Variants in TNPO3 observed in about 807,000 individuals in gnomAD.
TNPO3 encodes transportin-3.
A neutral mutation model predicts 122.8 loss-of-function variants in TNPO3; 65 were observed. That is an observed-to-expected ratio of 0.53 (90% confidence interval 0.43 to 0.65). The LOEUF (loss-of-function observed/expected upper bound fraction) is 0.65. Ranked by LOEUF, TNPO3 falls within the 30% of genes least tolerant of loss-of-function variation. TNPO3 has a pLI of 0.00. For missense variants in TNPO3, 850 were observed against 1,136.7 expected, an observed-to-expected ratio of 0.75 and a Z score of 3.63; for synonymous variants, 372 against 411.2, an observed-to-expected ratio of 0.90 and a Z score of 1.15.
chr7:129,025,313 A>G (rs1419681584), intron 1 of TNPO3, among the ~76,000 whole-genome samples: 1 of 130,866 alleles, frequency 7.6e-6, no homozygotes, highest in Non-Finnish European at 1.6e-5. Context: ...TCGTACCACC[A>G]CACTCCAGCC....
intron 16 of TNPO3, 61 bp from the exon 17 acceptor site, chr7:128,975,996 A>G: frequency 8.7e-7 from 1 of 1,151,368 alleles, no homozygotes; most frequent in Non-Finnish European, 1.3e-6. Context: ...CAACTTACGA[A>G]GCTGTCTCCA....
intron 21 of TNPO3, among the ~76,000 whole-genome samples, chr7:128,964,008 T>C (rs146744399): frequency 2.6e-4 from 40 of 152,270 alleles, no homozygotes; most frequent in African/African-American, 8.2e-4. Flanking sequence ...GTGTATAATT[T>C]ATAATAAAAC....
rs76010643 is a variant in TNPO3, at chr7:129,039,070, T to C, written c.120+15581A>G. 5.5e-3 allele frequency among the ~76,000 whole-genome samples: 832 copies of C among 152,278 alleles called. 13 individuals carry two copies. Among genetic ancestry groups the C allele is most frequent in the African/African-American group, 0.019 (797 of 41,544 alleles). ...CATACGAAAAGATGCTCAACATGAT[T>C]AGCCATCAGGAAATGCAAATCAAAA... On this transcript the variant is annotated intron_variant, in intron 1 of 22. Transcript: ENST00000265388.
At chr7:129,024,862 G>C (rs894853974) in intron 1 of TNPO3, among the ~76,000 whole-genome samples, 4 of 151,974 alleles carry the variant, frequency 2.6e-5, no homozygotes, top group Non-Finnish European at 4.4e-5. Context: ...AATCTGCCAC[G>C]TGTGGTGGCA....
At chr7:128,983,030 C>G (rs980388948) in intron 13 of TNPO3, among the ~76,000 whole-genome samples, 2 of 152,192 alleles carry the variant, frequency 1.3e-5, no homozygotes, top group African/African-American at 4.8e-5. Flanking sequence ...AAGTCTCCCA[C>G]CAACTGAATA....
chr7:128,979,080 T>A lies in TNPO3; in HGVS notation c.1964A>T (p.Asp655Val). ...GCAACAACGCTCTACAATCCGATTA[T>A]CAGCTCGGTGCTTATTTAGAGTCTC... The part of the protein sequence containing the change: ...LSETLNKHRA[D>V]NRIVERCCRC... Residue 655 changes from aspartate (D) to valine (V), a missense_variant, in exon 16 of 23, where the codon GAT (aspartate) becomes GTT (valine). By Grantham distance (152) the Asp-to-Val change is radical. Transcript: ENST00000265388. 6.2e-7 allele frequency: 1 copy of A among 1,614,220 alleles called. No homozygotes were observed. The highest frequency in any genetic ancestry group is 2.2e-5 in the East Asian group (1 of 44,890).
At chr7:128,990,806 G>A (rs1403278060) in intron 10 of TNPO3, among the ~76,000 whole-genome samples, 1 of 152,146 alleles carries the variant, frequency 6.6e-6, no homozygotes, top group African/African-American at 2.4e-5. Context: ...TGAGTAGAGT[G>A]GAGGATACCC....
intron 21 of TNPO3, among the ~76,000 whole-genome samples, chr7:128,959,427 G>A (rs555360557): frequency 2.0e-5 from 3 of 152,314 alleles, no homozygotes; most frequent in African/African-American, 7.2e-5. Context: ...GAACCTCTGG[G>A]CTCAAGCTAT....
intron 19 of TNPO3, 85 bp downstream of exon 19, chr7:128,972,341 T>C: frequency 6.9e-7 from 1 of 1,440,216 alleles, no homozygotes; most frequent in African/African-American, 1.4e-5. Context: ...AAGGAAATAC[T>C]GGGATGCTGG....
At chr7:128,962,813 GT>G (rs5887399) in intron 21 of TNPO3, among the ~76,000 whole-genome samples, 37 of 150,630 alleles carry the variant, frequency 2.5e-4, no homozygotes, top group South Asian at 8.4e-4. Flanking sequence ...AAGATAACAG[GT>G]TTTTTTTTTC....
intron 1 of TNPO3, chr7:129,029,610 A>G (rs1013658883): frequency 6.6e-6 from 1 of 152,242 alleles, no homozygotes; most frequent in Non-Finnish European, 1.5e-5. Context: ...AAGTATTACC[A>G]GTGTAATCAA....
chr7:129,020,754 A>C (rs969757470), intron 1 of TNPO3, among the ~76,000 whole-genome samples: 2 of 152,156 alleles, frequency 1.3e-5, no homozygotes, highest in Admixed American at 6.5e-5. Context: ...ATATTTTTAA[A>C]TAGCAAAAAG....
rs746708053 is a variant in TNPO3, at chr7:129,054,806, T to C, written c.-36A>G. 9.3e-6 allele frequency: 15 copies of C among 1,613,292 alleles called. No homozygotes were observed. The Admixed American group carries it at 1.7e-4, about 18-fold the overall frequency. On this transcript the variant is annotated 5_prime_UTR_variant, in exon 1 of 23. Coordinates refer to ENST00000265388, the MANE Select transcript of TNPO3 (RefSeq NM_012470.4). ...GTAGTGGCGGTAGCGACGGCTCTGA[T>C]TCTTCTCCGGAGGATTCCTCGGTTG...
intron 11 of TNPO3, among the ~76,000 whole-genome samples, chr7:128,988,461 TAA>T (rs1800402515): frequency 2.6e-5 from 4 of 152,152 alleles, no homozygotes; most frequent in Non-Finnish European, 5.9e-5. Flanking sequence ...CAAGCAACTC[TAA>T]TAATGTAGAC....
intron 8 of TNPO3, 87 bp from the exon 9 acceptor site, chr7:128,994,001 T>C: frequency 2.4e-6 from 3 of 1,237,142 alleles, no homozygotes; most frequent in Non-Finnish European, 2.3e-6. Flanking sequence ...AAAAAAACCA[T>C]TAAGCAGTCA....
chr7:129,010,693 T>C (rs1451466423), intron 4 of TNPO3, among the ~76,000 whole-genome samples: 1 of 152,190 alleles, frequency 6.6e-6, no homozygotes, highest in Non-Finnish European at 1.5e-5. Flanking sequence ...CTGAACGCTG[T>C]ATATATACTA....
rs1394785814 is a variant in TNPO3 at position 128,980,251 on chromosome 7, A to G, written c.1860-220T>C. ...ACTTCCAATAGAACACGCAAATTCAATCCAACTTTGGGTAGATGGGCTGTG... is the reference window on the plus strand; with the variant it reads ...ACTTCCAATAGAACACGCAAATTCAGTCCAACTTTGGGTAGATGGGCTGTG... On this transcript the variant is annotated intron_variant, in intron 14 of 22. Coordinates refer to ENST00000265388, the MANE Select transcript of TNPO3 (RefSeq NM_012470.4). Among the ~76,000 whole-genome samples, 3 of 152,194 alleles carry G rather than the reference A, an allele frequency of 2.0e-5. No individual in the cohort carries two copies. In the East Asian group the frequency reaches 5.8e-4, roughly 29 times the overall value.
Position 128,980,021 on chromosome 7 carries a change from G to A in TNPO3, c.1870C>T (p.Pro624Ser). Residue 624 changes from proline (P) to serine (S), a missense_variant, in exon 15 of 23, where the codon CCC (proline) becomes TCC (serine). Physicochemically the swap from Pro to Ser is moderately conservative, Grantham distance 74 (BLOSUM62 -1). Coordinates refer to ENST00000265388, the MANE Select transcript of TNPO3 (RefSeq NM_012470.4). ...RLAVIFRHTN[P>S]IVENGQTHPC... Reference sequence around the variant, plus strand: ...TGAGTCTGTCCATTTTCCACAATGGGATTGGTATGCCTGGGAAAAGACAAC... The same window carrying A: ...TGAGTCTGTCCATTTTCCACAATGGAATTGGTATGCCTGGGAAAAGACAAC... The A allele has an allele frequency of 6.2e-7, 1 of 1,614,084 alleles. No individual in the cohort carries two copies. Among genetic ancestry groups the A allele is most frequent in the Non-Finnish European group, 8.5e-7 (1 of 1,179,970 alleles).
chr7:128,980,078 C>A, intron 14 of TNPO3, 47 bp from the exon 15 acceptor site: 1 of 1,547,486 alleles, frequency 6.5e-7, no homozygotes, highest in Non-Finnish European at 8.9e-7. Flanking sequence ...ACCAATTTCA[C>A]TGAGGACCCA....
Sources: allele counts gnomAD v4.1 joint callset (sites outside exome capture counted in the v4.1 genomes callset), GRCh38; gene constraint gnomAD v4.1.1; transcripts MANE v1.5; gene names NCBI Gene and HGNC (gene_info 2026-07-23, HGNC 2026-07-21).